The following LRRC63 variants were observed in gnomAD, a reference collection of about 807,000 sequenced individuals.
LRRC63 encodes the protein leucine-rich repeat-containing protein 63.
LRRC63 carries 40 observed loss-of-function variants against 49.5 expected under a neutral mutation model. The ratio of observed to expected loss-of-function variants is 0.81; its 90% CI spans 0.63 to 1.05. The LOEUF is 1.05. LRRC63 is among the 50% of genes least tolerant of loss of function. The pLI, the probability that LRRC63 is intolerant of heterozygous loss-of-function variation, is 0.00. For missense variants in LRRC63, 636 were observed against 663.1 expected (o/e 0.96, Z 0.45); for synonymous variants, 191 against 221.1 (o/e 0.86, Z 1.21).
At position 46,215,865 on chromosome 13, in the gene LRRC63, G is replaced by C. The variant is rs537514729; in HGVS notation, c.85+2746G>C. On this transcript the variant is annotated intron_variant, in intron 2 of 9. Coordinates refer to ENST00000595396, the Ensembl canonical transcript of LRRC63. ...GCCAGTTTTCCGAGCACCATTTACTGAACAGGAGATCCTTTCCCCATTGCT... is the reference window on the plus strand; with the variant it reads ...GCCAGTTTTCCGAGCACCATTTACTCAACAGGAGATCCTTTCCCCATTGCT... Among the ~76,000 whole-genome samples, 5 of 152,118 alleles carry C rather than the reference G, an allele frequency of 3.3e-5. No homozygotes were observed. In the East Asian group the frequency reaches 9.7e-4, roughly 29 times the overall value.
At chr13:46,271,333 C>A (rs893757535) in intron 9 of LRRC63, among the ~76,000 whole-genome samples, 2 of 152,176 alleles carry the variant, frequency 1.3e-5, no homozygotes, top group African/African-American at 4.8e-5. Context: ...CCTTTCTTAC[C>A]CAATCTGCTA....
At chr13:46,243,594 G>A (rs2047126435) in intron 5 of LRRC63, among the ~76,000 whole-genome samples, 1 of 152,148 alleles carries the variant, frequency 6.6e-6, no homozygotes, top group African/African-American at 2.4e-5. Flanking sequence ...AACCAAAAAA[G>A]AGCAGGAGCA....
At chr13:46,246,418 G>T (rs1594067368) in intron 5 of LRRC63, 109 bp from the exon 6 acceptor site, 1 of 484,088 alleles carries the variant, frequency 2.1e-6, no homozygotes, top group Non-Finnish European at 3.6e-6. Flanking sequence ...TTAGTATATT[G>T]TGTAAAACAT....
rs1015096190 is a variant in LRRC63 at position 46,236,729 on chromosome 13, A to G, written c.990+2380A>G. ...TAGACAGCAACTCAAAGTCTTAAGA[A>G]GAAATAAAGAACTCTGATGAAGGTA... On this transcript the variant is annotated intron_variant, in intron 5 of 9. Coordinates refer to ENST00000595396, the Ensembl canonical transcript of LRRC63. 3.3e-5 allele frequency among the ~76,000 whole-genome samples: 5 copies of G among 152,210 alleles called. No individual in the cohort carries two copies. In the East Asian group the frequency reaches 9.6e-4, roughly 29 times the overall value.
At chr13:46,232,532 T>A (rs2046793516) in intron 4 of LRRC63, among the ~76,000 whole-genome samples, 1 of 152,204 alleles carries the variant, frequency 6.6e-6, no homozygotes, top group Non-Finnish European at 1.5e-5. Flanking sequence ...ATAAAGATGA[T>A]GTTCTAGGAA....
intron 7 of LRRC63, among the ~76,000 whole-genome samples, chr13:46,259,382 A>C (rs1173873896): frequency 6.6e-6 from 1 of 152,228 alleles, no homozygotes; most frequent in Non-Finnish European, 1.5e-5. Flanking sequence ...AACAACTGTC[A>C]CAAAGGTTAA....
chr13:46,221,920 G>T (rs1013578695), intron 2 of LRRC63, among the ~76,000 whole-genome samples: 1 of 152,198 alleles, frequency 6.6e-6, no homozygotes, highest in Non-Finnish European at 1.5e-5. Context: ...GCTAGGCTGA[G>T]ATTGTACTGG....
chr13:46,264,621 AC>A lies in LRRC63; in HGVS notation c.1311-2106del, dbSNP rs2047658226. ...TGCTGTATTTGAATCTTGTTTCCCCACCCCCCTCCCCAACTTTGTATCCATC... is the reference window on the plus strand; with the variant it reads ...TGCTGTATTTGAATCTTGTTTCCCCACCCCCTCCCCAACTTTGTATCCATC... On this transcript the variant is annotated intron_variant, in intron 8 of 9. Transcript: ENST00000595396. 5.0e-5 allele frequency among the ~76,000 whole-genome samples: 4 copies of A among 80,552 alleles called. No individual in the cohort carries two copies. The South Asian group carries it at 1.5e-3, about 30-fold the overall frequency. The allele number at this position is 80,552 out of a possible 152,430, so 52.8% of individuals were successfully genotyped here.
chr13:46,259,310 A>G (rs1283068780), intron 7 of LRRC63, among the ~76,000 whole-genome samples: 1 of 144,850 alleles, frequency 6.9e-6, no homozygotes, highest in East Asian at 2.2e-4. Flanking sequence ...AAAAGGGAGA[A>G]AAAGGGAGGT....
intron 4 of LRRC63, among the ~76,000 whole-genome samples, chr13:46,229,449 T>C (rs2046679758): frequency 6.6e-6 from 1 of 152,216 alleles, no homozygotes; most frequent in Non-Finnish European, 1.5e-5. Flanking sequence ...AGGGAAGCTC[T>C]GCCTTTACCT....
chr13:46,250,178 A>G, intron 6 of LRRC63, 177 bp from the exon 7 acceptor site: 1 of 508,598 alleles, frequency 2.0e-6, no homozygotes, highest in Non-Finnish European at 3.5e-6. Context: ...CATACCTATT[A>G]ATGCTGGTCA....
chr13:46,265,156 T>G (rs1370005148), intron 8 of LRRC63, among the ~76,000 whole-genome samples: 5 of 145,886 alleles, frequency 3.4e-5, no homozygotes. Context: ...TGAGACTCCA[T>G]CTCAAAAAAA....
chr13:46,272,461 T>C (rs1274868435), intron 9 of LRRC63, among the ~76,000 whole-genome samples: 2 of 152,204 alleles, frequency 1.3e-5, no homozygotes, highest in Non-Finnish European at 2.9e-5. Context: ...TTACCTATTT[T>C]TATCAAAATT....
At chr13:46,273,208 A>G (rs2047783358) in intron 9 of LRRC63, among the ~76,000 whole-genome samples, 1 of 152,196 alleles carries the variant, frequency 6.6e-6, no homozygotes, top group Non-Finnish European at 1.5e-5. Context: ...ATTTGGAACT[A>G]TGTCTTGTGT....
intron 4 of LRRC63, among the ~76,000 whole-genome samples, chr13:46,229,884 G>T (rs1403143419): frequency 1.3e-5 from 2 of 152,134 alleles, no homozygotes; most frequent in African/African-American, 4.8e-5. Flanking sequence ...GCTGGTGAGG[G>T]CCTCAGGGAG....
intron 7 of LRRC63, among the ~76,000 whole-genome samples, chr13:46,257,154 G>A (rs1036867321): frequency 2.0e-5 from 3 of 152,194 alleles, no homozygotes; most frequent in Non-Finnish European, 4.4e-5. Context: ...AGGGAGCCAT[G>A]AGTCAAGGAA....
At chr13:46,241,723 A>C (rs751367233) in intron 5 of LRRC63, among the ~76,000 whole-genome samples, 5 of 152,210 alleles carry the variant, frequency 3.3e-5, no homozygotes, top group Admixed American at 6.5e-5. Context: ...AAAAAAGCTC[A>C]ATGTCACTGA....
At chr13:46,225,600 G>A (rs149790052) in intron 2 of LRRC63, among the ~76,000 whole-genome samples, 67 of 152,332 alleles carry the variant, frequency 4.4e-4, no homozygotes, top group African/African-American at 1.4e-3. Context: ...AGCGTTTGCT[G>A]TGTTAATGTG....
In LRRC63 at chr13:46,276,553, T is replaced by C. The variant is rs150905468; in HGVS notation, c.1551-37T>C. 2.2e-5 allele frequency: 23 copies of C among 1,066,616 alleles called. No individual in the cohort carries two copies. The East Asian group carries it at 7.5e-4, about 35-fold the overall frequency. The allele number at this position is 1,066,616 out of a possible 1,614,324, so 66.1% of individuals were successfully genotyped here. A position where few individuals can be genotyped will look rare whatever the true frequency, so the allele number is the denominator to read the frequency against. ...CATAGCACAGAGTCTTTAGTAAAAA[T>C]TTATTAAATATTGACTTGCTGTTTC... On this transcript the variant is annotated intron_variant, in intron 9 of 9. Transcript: ENST00000595396.
Sources: allele counts gnomAD v4.1 joint callset (sites outside exome capture counted in the v4.1 genomes callset), GRCh38; gene constraint gnomAD v4.1.1; transcripts MANE v1.5; gene names NCBI Gene and HGNC (gene_info 2026-07-23, HGNC 2026-07-21).